The following HS3ST5 variants were observed in gnomAD, a reference collection of about 807,000 sequenced individuals.
HS3ST5 encodes heparan sulfate glucosamine 3-O-sulfotransferase 5.
HS3ST5 carries 10 observed loss-of-function variants against 25.4 expected under a neutral mutation model. That is an observed-to-expected ratio of 0.39 (90% confidence interval 0.24 to 0.67). The LOEUF (loss-of-function observed/expected upper bound fraction) is 0.67. Ranked by LOEUF, HS3ST5 falls within the 30% of genes least tolerant of loss-of-function variation. The pLI, the probability that HS3ST5 is intolerant of heterozygous loss-of-function variation, is 0.44. For missense variants in HS3ST5, 324 were observed against 420.7 expected, an observed-to-expected ratio of 0.77 and a Z score of 2.01; for synonymous variants, 170 against 162.4, an observed-to-expected ratio of 1.05 and a Z score of -0.36.
intron 3 of HS3ST5, among the ~76,000 whole-genome samples, chr6:114,140,302 A>G (rs1326843139): frequency 2.0e-5 from 3 of 152,224 alleles, no homozygotes; most frequent in African/African-American, 7.2e-5. Flanking sequence ...TTAATTTATG[A>G]AAAGTGATAC....
intron 1 of HS3ST5, among the ~76,000 whole-genome samples, chr6:114,291,317 T>G (rs1489290835): frequency 6.6e-6 from 1 of 152,102 alleles, no homozygotes; most frequent in East Asian, 1.9e-4. Flanking sequence ...TGTTTTGTAT[T>G]CATACTAACA....
rs1292151925 is a variant in HS3ST5, at chr6:114,328,162, T to C, written c.-339+14033A>G. On this transcript the variant is annotated intron_variant, in intron 1 of 4. Transcript: ENST00000312719. ...CACATATACTTTTTATGATATTCCA[T>C]AAACTAGAGATGTGTATAGGGTTAA... is the stretch of plus-strand genomic sequence containing the variant. Among the ~76,000 whole-genome samples the C allele has an allele frequency of 6.0e-5, 9 of 149,974 alleles. No individual in the cohort carries two copies. The East Asian group carries it at 1.8e-3, about 29-fold the overall frequency.
chr6:114,177,787 T>A (rs370683133), intron 2 of HS3ST5, among the ~76,000 whole-genome samples: 5 of 152,302 alleles, frequency 3.3e-5, no homozygotes, highest in South Asian at 4.1e-4. Context: ...TAAATGTACA[T>A]GAAAAGCAAC....
intron 2 of HS3ST5, among the ~76,000 whole-genome samples, chr6:114,202,221 A>AC (rs1781054138): frequency 6.6e-6 from 1 of 152,172 alleles, no homozygotes; most frequent in Non-Finnish European, 1.5e-5. Flanking sequence ...GGCGTTTGAC[A>AC]CTAGCCTGGG....
chr6:114,226,007 A>G (rs1771263878), intron 2 of HS3ST5, among the ~76,000 whole-genome samples: 1 of 151,958 alleles, frequency 6.6e-6, no homozygotes, highest in Non-Finnish European at 1.5e-5. Flanking sequence ...TAAACTAAAG[A>G]GCTAATTACT....
chr6:114,231,777 A>T (rs1669871305), intron 1 of HS3ST5, among the ~76,000 whole-genome samples: 1 of 151,502 alleles, frequency 6.6e-6, no homozygotes, highest in Non-Finnish European at 1.5e-5. Context: ...AAAAAAAAAA[A>T]AGCTCTGTTT....
intron 3 of HS3ST5, among the ~76,000 whole-genome samples, chr6:114,135,686 T>G (rs1777561585): frequency 6.6e-6 from 1 of 152,240 alleles, no homozygotes; most frequent in Admixed American, 6.5e-5. Flanking sequence ...CAGTCAAGAT[T>G]AATTTCTTCT....
chr6:114,239,629 C>T (rs1160699762), intron 1 of HS3ST5, among the ~76,000 whole-genome samples: 1 of 152,150 alleles, frequency 6.6e-6, no homozygotes, highest in East Asian at 1.9e-4. Flanking sequence ...ATACTTAACT[C>T]TAGCCTCGTT....
intron 3 of HS3ST5, among the ~76,000 whole-genome samples, chr6:114,138,791 A>T (rs974697261): frequency 1.3e-5 from 2 of 152,198 alleles, no homozygotes; most frequent in African/African-American, 4.8e-5. Flanking sequence ...TAACAAAATA[A>T]TGTGGACTGG....
intron 2 of HS3ST5, among the ~76,000 whole-genome samples, chr6:114,171,476 C>T (rs556133456): frequency 5.9e-4 from 90 of 152,208 alleles, no homozygotes; most frequent in African/African-American, 2.0e-3. Context: ...CCATGAATGT[C>T]CTACAATCCT....
chr6:114,169,504 G>C (rs1207250839), intron 2 of HS3ST5, among the ~76,000 whole-genome samples: 1 of 152,050 alleles, frequency 6.6e-6, no homozygotes, highest in African/African-American at 2.4e-5. Context: ...AGAAATCAGA[G>C]AGAGAGTAGA....
chr6:114,172,902 G>A (rs1229164536), intron 2 of HS3ST5, among the ~76,000 whole-genome samples: 2 of 152,050 alleles, frequency 1.3e-5, no homozygotes, highest in East Asian at 1.9e-4. Flanking sequence ...TTTACTTCAA[G>A]CCAGGGTTAT....
In HS3ST5 at chr6:114,342,614, G is replaced by T. The variant is rs1776935912; in HGVS notation, c.-758C>A. 6.5e-6 allele frequency: 1 copy of T among 153,442 alleles called. No individual in the cohort carries two copies. Among genetic ancestry groups the T allele is most frequent in the South Asian group, 1.9e-4 (1 of 5,280 alleles). 9.5% of individuals were successfully genotyped at this position (153,442 alleles called of 1,614,324 possible). Reference sequence around the variant, plus strand: ...CCGCAGGAGCCGGAGTCCGCGCAGTGCCGGAGACCGCAGCCGCTCTGCGGG... The same window carrying T: ...CCGCAGGAGCCGGAGTCCGCGCAGTTCCGGAGACCGCAGCCGCTCTGCGGG... On this transcript the variant is annotated 5_prime_UTR_variant, in exon 1 of 5. Coordinates refer to ENST00000312719, the MANE Select transcript of HS3ST5 (RefSeq NM_153612.4).
chr6:114,154,349 G>A (rs1278202340), intron 3 of HS3ST5, among the ~76,000 whole-genome samples: 1 of 152,108 alleles, frequency 6.6e-6, no homozygotes, highest in African/African-American at 2.4e-5. Flanking sequence ...ACCCAAAAGA[G>A]AAGCAAGGTG....
At chr6:114,075,465 T>C (rs1774069094) in intron 3 of HS3ST5, among the ~76,000 whole-genome samples, 2 of 152,344 alleles carry the variant, frequency 1.3e-5, no homozygotes, top group African/African-American at 4.8e-5. Flanking sequence ...CTTCACTGGG[T>C]ATGTTTAGAC....
At chr6:114,080,497 C>A (rs1344259718) in intron 3 of HS3ST5, among the ~76,000 whole-genome samples, 1 of 152,216 alleles carries the variant, frequency 6.6e-6, no homozygotes, top group Non-Finnish European at 1.5e-5. Context: ...ATGTTTATTG[C>A]AGCACTATTC....
intron 3 of HS3ST5, among the ~76,000 whole-genome samples, chr6:114,134,811 G>T (rs1039564103): frequency 6.6e-6 from 1 of 152,194 alleles, no homozygotes; most frequent in African/African-American, 2.4e-5. Context: ...CCCAGCCTCT[G>T]TGAATTTCTC....
intron 2 of HS3ST5, among the ~76,000 whole-genome samples, chr6:114,207,931 G>A (rs1220897854): frequency 6.6e-6 from 1 of 152,096 alleles, no homozygotes; most frequent in Non-Finnish European, 1.5e-5. Context: ...CTACTCTAGT[G>A]ATGGAAGTAT....
chr6:114,318,272 A>G (rs1275670130), intron 1 of HS3ST5, among the ~76,000 whole-genome samples: 1 of 152,160 alleles, frequency 6.6e-6, no homozygotes, highest in Non-Finnish European at 1.5e-5. Flanking sequence ...TTTTTTTAAC[A>G]AGTTCTTAAC....
Sources: allele counts gnomAD v4.1 joint callset (sites outside exome capture counted in the v4.1 genomes callset), GRCh38; gene constraint gnomAD v4.1.1; transcripts MANE v1.5; gene names NCBI Gene and HGNC (gene_info 2026-07-23, HGNC 2026-07-21).